Variants in TSHZ3 observed in about 807,000 individuals in gnomAD.
TSHZ3 encodes teashirt homolog 3.
A neutral mutation model predicts 64.5 loss-of-function variants in TSHZ3; 10 were observed. That is an observed-to-expected ratio of 0.16 (90% confidence interval 0.10 to 0.26). TSHZ3 has a LOEUF of 0.26. TSHZ3 is among the 10% of genes least tolerant of loss of function. The pLI is 1.00. For synonymous variants in TSHZ3, 608 were observed against 593.1 expected, an observed-to-expected ratio of 1.03 and a Z score of -0.36; for missense variants, 1,242 against 1,421.7, an observed-to-expected ratio of 0.87 and a Z score of 2.03.
At chr19:31,229,262 C>A (rs180966010) in intron 3 of TSHZ3, among the ~76,000 whole-genome samples, 8 of 152,158 alleles carry the variant, frequency 5.3e-5, no homozygotes, top group Admixed American at 1.3e-4. Context: ...TAAAGTTTGA[C>A]CAAACAGAAA....
intron 1 of TSHZ3, among the ~76,000 whole-genome samples, chr19:31,280,301 C>T (rs971980097): frequency 2.0e-5 from 3 of 151,026 alleles, no homozygotes; most frequent in African/African-American, 4.9e-5. Flanking sequence ...AAGAAAAGTA[C>T]GTCCATTGTA....
intron 5 of TSHZ3, among the ~76,000 whole-genome samples, chr19:31,185,932 G>C (rs1053914388): frequency 2.0e-5 from 3 of 152,158 alleles, no homozygotes; most frequent in Non-Finnish European, 4.4e-5. Flanking sequence ...TCTACAGAAT[G>C]AACTCTTTTG....
At chr19:31,241,547 C>T (rs1262039397) in intron 3 of TSHZ3, among the ~76,000 whole-genome samples, 1 of 152,206 alleles carries the variant, frequency 6.6e-6, no homozygotes, top group East Asian at 1.9e-4. Context: ...AGGTAATCTC[C>T]ATGCACGTGC....
chr19:31,201,682 T>A (rs1487537571), intron 5 of TSHZ3, among the ~76,000 whole-genome samples: 1 of 152,192 alleles, frequency 6.6e-6, no homozygotes, highest in Non-Finnish European at 1.5e-5. Context: ...GCCACTGTAT[T>A]CATTCAACTG....
chr19:31,257,713 C>A (rs897433499), intron 1 of TSHZ3, among the ~76,000 whole-genome samples: 1 of 152,176 alleles, frequency 6.6e-6, no homozygotes, highest in East Asian at 1.9e-4. Flanking sequence ...CTGGGGAAGA[C>A]GCGAGGGGCT....
At chr19:31,152,846 C>T (rs967899575) in intron 6 of TSHZ3, among the ~76,000 whole-genome samples, 3 of 152,138 alleles carry the variant, frequency 2.0e-5, no homozygotes, top group Non-Finnish European at 2.9e-5. Flanking sequence ...ATCACCAGAC[C>T]CATGCCTTGA....
intron 4 of TSHZ3, among the ~76,000 whole-genome samples, chr19:31,207,834 G>A (rs994232763): frequency 6.6e-6 from 1 of 152,294 alleles, no homozygotes; most frequent in Non-Finnish European, 1.5e-5. Flanking sequence ...GTGGAGAAAA[G>A]AATCCCTTTG....
downstream of TSHZ3, among the ~76,000 whole-genome samples, chr19:31,272,278 G>A (rs1311131585): frequency 6.6e-6 from 1 of 152,024 alleles, no homozygotes; most frequent in Non-Finnish European, 1.5e-5. Context: ...CCACGTCTGT[G>A]GAACTGTAGG....
At chr19:31,336,500 C>G (rs1917245218) in intron 1 of TSHZ3, among the ~76,000 whole-genome samples, 1 of 152,194 alleles carries the variant, frequency 6.6e-6, no homozygotes. Flanking sequence ...GCATAGCTTA[C>G]TCTGAGCATC....
At chr19:31,240,985 ATCATAGGAG>A (rs1975681404) in intron 3 of TSHZ3, among the ~76,000 whole-genome samples, 1 of 152,164 alleles carries the variant, frequency 6.6e-6, no homozygotes, top group South Asian at 2.1e-4. Context: ...TGCTAGCTCC[ATCATAGGAG>A]TCATCTTACA....
chr19:31,177,570 C>T (rs764069197), intron 5 of TSHZ3, among the ~76,000 whole-genome samples: 2 of 152,246 alleles, frequency 1.3e-5, no homozygotes, highest in Non-Finnish European at 2.9e-5. Flanking sequence ...TACAAGGACA[C>T]ATGTGCTTGC....
chr19:31,210,920 G>A (rs1334128554), intron 4 of TSHZ3, among the ~76,000 whole-genome samples: 1 of 152,092 alleles, frequency 6.6e-6, no homozygotes, highest in African/African-American at 2.4e-5. Context: ...CAAACTGGCG[G>A]CAGATTTTAG....
chr19:31,178,682 GA>G (rs546768505), intron 5 of TSHZ3, among the ~76,000 whole-genome samples: 2 of 152,112 alleles, frequency 1.3e-5, no homozygotes, highest in Admixed American at 6.5e-5. Context: ...TCCTTCTCAA[GA>G]AAAAAAGAAG....
intron 1 of TSHZ3, among the ~76,000 whole-genome samples, chr19:31,337,661 C>A (rs1917290347): frequency 1.3e-5 from 2 of 151,872 alleles, no homozygotes; most frequent in Admixed American, 6.6e-5. Context: ...AAAGTAAATT[C>A]TAAGTCATGC....
At chr19:31,189,767 A>T (rs1568342043) in intron 5 of TSHZ3, among the ~76,000 whole-genome samples, 1 of 152,136 alleles carries the variant, frequency 6.6e-6, no homozygotes, top group Non-Finnish European at 1.5e-5. Context: ...TATTGTTCTT[A>T]AAATCTACTT....
At chr19:31,319,242 G>T (rs964358921) in intron 1 of TSHZ3, among the ~76,000 whole-genome samples, 1 of 152,188 alleles carries the variant, frequency 6.6e-6, no homozygotes, top group Non-Finnish European at 1.5e-5. Flanking sequence ...CTGCCAAGAC[G>T]GCTGGCTCAG....
intron 1 of TSHZ3, among the ~76,000 whole-genome samples, chr19:31,307,722 G>A (rs1916341490): frequency 6.6e-6 from 1 of 152,184 alleles, no homozygotes; most frequent in Non-Finnish European, 1.5e-5. Flanking sequence ...GCTGATTTAG[G>A]TGTTCGGCCA....
At chr19:31,194,348 G>A (rs1974954745) in intron 5 of TSHZ3, among the ~76,000 whole-genome samples, 1 of 152,198 alleles carries the variant, frequency 6.6e-6, no homozygotes, top group African/African-American at 2.4e-5. Flanking sequence ...AGAGCATTCT[G>A]TTCTTCTTAA....
rs560853411 is a variant in TSHZ3, at chr19:31,220,168, C to T, written n.686+7837G>A. Among the ~76,000 whole-genome samples the T allele has an allele frequency of 5.8e-4, 88 of 152,274 alleles. No homozygotes were observed. In the South Asian group the frequency reaches 0.017, roughly 29 times the overall value. The stretch of plus-strand genomic sequence containing the variant: ...TTTAAGAGGAACTATAACTATGCCA[C>T]ATTGGTGTATGTTATTTTTGTCAAA... On this transcript the variant is annotated intron_variant and non_coding_transcript_variant, in intron 4 of 6. Coordinates refer to the TSHZ3 transcript ENST00000651361.
Sources: allele counts gnomAD v4.1 joint callset (sites outside exome capture counted in the v4.1 genomes callset), GRCh38; gene constraint gnomAD v4.1.1; transcripts MANE v1.5; gene names NCBI Gene and HGNC (gene_info 2026-07-23, HGNC 2026-07-21).